Variants in DOCK9 observed in about 807,000 individuals in gnomAD.
DOCK9 encodes the protein dedicator of cytokinesis 9.
In DOCK9, 89 loss-of-function variants were observed where a neutral mutation model predicts 263.3. The observed-to-expected ratio is 0.34, with a 90% CI of 0.28 to 0.40. DOCK9 has a LOEUF of 0.40. Ranked by LOEUF, DOCK9 falls within the 10% of genes least tolerant of loss-of-function variation. The pLI, the probability that DOCK9 is intolerant of heterozygous loss-of-function variation, is 1.00. For missense variants in DOCK9, 2,140 were observed against 2,603.4 expected, an observed-to-expected ratio of 0.82 and a Z score of 3.87; for synonymous variants, 976 against 973.1, an observed-to-expected ratio of 1.00 and a Z score of -0.06.
chr13:98,805,570 C>T (rs1003057268), intron 48 of DOCK9, among the ~76,000 whole-genome samples: 1 of 152,166 alleles, frequency 6.6e-6, no homozygotes, highest in African/African-American at 2.4e-5. Flanking sequence ...CAAATTAACA[C>T]TGATTCCCTA....
At chr13:99,085,914 A>C (rs1288880779) in intron 1 of DOCK9, among the ~76,000 whole-genome samples, 2 of 152,014 alleles carry the variant, frequency 1.3e-5, no homozygotes, top group Non-Finnish European at 2.9e-5. Flanking sequence ...AAGCAGGTAA[A>C]TTGGGAGAGA....
intron 15 of DOCK9, among the ~76,000 whole-genome samples, chr13:98,895,664 C>CA (rs879382069): frequency 1.5e-3 from 165 of 107,620 alleles, no homozygotes; most frequent in Middle Eastern, 5.6e-3. Context: ...GACTCCATCT[C>CA]AAAAAAAAAA....
intron 1 of DOCK9, among the ~76,000 whole-genome samples, chr13:98,959,162 T>C (rs1254844124): frequency 6.6e-6 from 1 of 152,252 alleles, no homozygotes; most frequent in Non-Finnish European, 1.5e-5. Flanking sequence ...CACAGTCTTC[T>C]GTTAAACAGA....
At chr13:98,802,784 C>A (rs1470007796) in intron 49 of DOCK9, among the ~76,000 whole-genome samples, 2 of 152,010 alleles carry the variant, frequency 1.3e-5, no homozygotes, top group Non-Finnish European at 2.9e-5. Flanking sequence ...CTTTGGAAGG[C>A]CAAAGGTTAG....
upstream of DOCK9, among the ~76,000 whole-genome samples, chr13:99,087,523 G>C (rs1431493963): frequency 1.3e-5 from 2 of 152,186 alleles, no homozygotes; most frequent in African/African-American, 2.4e-5. Context: ...CCGTGACGCA[G>C]AGCTGGCGGC....
At position 98,867,496 on chromosome 13, in the gene DOCK9, C is replaced by T; in HGVS notation, c.3215G>A (p.Cys1072Tyr). The T allele has an allele frequency of 6.2e-7, 1 of 1,612,252 alleles. No individual in the cohort carries two copies. Among genetic ancestry groups the T allele is most frequent in the Non-Finnish European group, 8.5e-7 (1 of 1,179,256 alleles). Reference sequence around the variant, plus strand: ...CAACGGAATATAATGTTCATGGTTGCACACTACACGGAGAAATTCAAACTT... The same window carrying T: ...CAACGGAATATAATGTTCATGGTTGTACACTACACGGAGAAATTCAAACTT... ...EYKFEFLRVV[C>Y]NHEHYIPLNL... The change falls in exon 30 of 53, where the codon TGC becomes TAC. Residue 1072 changes from cysteine (C) to tyrosine (Y), a missense_variant. Transcript: ENST00000682017.
chr13:98,886,692 C>T (rs1030470439), intron 18 of DOCK9, 68 bp from the exon 19 acceptor site: 20 of 1,417,816 alleles, frequency 1.4e-5, no homozygotes, highest in South Asian at 7.2e-5. Flanking sequence ...TTGGATATAT[C>T]GTAAAGGAGG....
intron 45 of DOCK9, among the ~76,000 whole-genome samples, chr13:98,813,742 C>T (rs1252721856): frequency 1.3e-5 from 2 of 152,080 alleles, no homozygotes; most frequent in African/African-American, 2.4e-5. Flanking sequence ...CGGGTTCAAG[C>T]GATTCTCTTG....
At position 98,825,751 on chromosome 13, in the gene DOCK9, A is replaced by T. The variant is rs112147310; in HGVS notation, c.5023+1079T>A. The stretch of plus-strand genomic sequence containing the variant: ...AGACCAGCCAACCAGAGAGCCACAG[A>T]GTAGGAGGGAAGGAGAGTGAAGTCT... On this transcript the variant is annotated intron_variant, in intron 44 of 52. Coordinates refer to ENST00000682017, the MANE Select transcript of DOCK9 (RefSeq NM_001366683.2). The surrounding 1 kb of genome is among the most constrained non-coding windows in gnomAD (Gnocchi z 4.1). The T allele has an allele frequency of 2.6e-4, 156 of 605,258 alleles. No individual in the cohort carries two copies. The African/African-American group carries it at 2.6e-3, about 10-fold the overall frequency. The allele number at this position is 605,258 out of a possible 1,614,324, so 37.5% of individuals were successfully genotyped here. A position where few individuals can be genotyped will look rare whatever the true frequency, so the allele number is the denominator to read the frequency against.
chr13:98,811,284 T>C (rs578122083), intron 45 of DOCK9, among the ~76,000 whole-genome samples: 3 of 152,244 alleles, frequency 2.0e-5, no homozygotes, highest in Non-Finnish European at 4.4e-5. Context: ...TGGTAAAGTG[T>C]CTATTCAAAT....
chr13:98,996,607 G>A (rs1044876918), intron 1 of DOCK9, among the ~76,000 whole-genome samples: 2 of 152,210 alleles, frequency 1.3e-5, no homozygotes, highest in African/African-American at 4.8e-5. Context: ...GGCCATATGT[G>A]GCCCAGGATG....
At chr13:99,024,168 T>C (rs531837423) in intron 1 of DOCK9, among the ~76,000 whole-genome samples, 2 of 152,342 alleles carry the variant, frequency 1.3e-5, no homozygotes, top group Middle Eastern at 3.4e-3. Context: ...AGCACATCTA[T>C]TGGCAAAGCC....
intron 27 of DOCK9, chr13:98,871,635 T>C (rs1170024245): frequency 6.6e-6 from 1 of 152,238 alleles, no homozygotes; most frequent in Admixed American, 6.5e-5. Flanking sequence ...GCTCAGGTAG[T>C]GAGTACCTGA....
At chr13:99,023,798 G>T (rs1886403504) in intron 1 of DOCK9, among the ~76,000 whole-genome samples, 1 of 152,262 alleles carries the variant, frequency 6.6e-6, no homozygotes, top group South Asian at 2.1e-4. Flanking sequence ...CCCTCACAAA[G>T]GGAAGATAAG....
In DOCK9 at chr13:98,906,250, G is replaced by A. The variant is rs569814656; in HGVS notation, c.961-1544C>T. The stretch of plus-strand genomic sequence containing the variant: ...GATGAGATGTCCTGAGGGAGAGGGT[G>A]AAAGTGAGTCTGAAGACAAAATCCT... On this transcript the variant is annotated intron_variant, in intron 9 of 52. Coordinates refer to ENST00000682017, the MANE Select transcript of DOCK9 (RefSeq NM_001366683.2). Among the ~76,000 whole-genome samples the A allele has an allele frequency of 2.6e-5, 4 of 152,180 alleles. No homozygotes were observed. In the South Asian group the frequency reaches 8.3e-4, roughly 32 times the overall value.
intron 1 of DOCK9, among the ~76,000 whole-genome samples, chr13:99,000,944 C>T (rs1882172077): frequency 6.6e-6 from 1 of 152,146 alleles, no homozygotes; most frequent in African/African-American, 2.4e-5. Flanking sequence ...GAGGGCAAGG[C>T]TCTGCAGTTT....
At chr13:99,068,724 T>A (rs552921260) in intron 1 of DOCK9, among the ~76,000 whole-genome samples, 24 of 144,892 alleles carry the variant, frequency 1.7e-4, no homozygotes, top group Admixed American at 4.1e-4. Flanking sequence ...AGGAAAAAAA[T>A]AACATAGAAG....
chr13:98,997,661 G>A (rs1881361677), intron 1 of DOCK9, among the ~76,000 whole-genome samples: 1 of 152,210 alleles, frequency 6.6e-6, no homozygotes, highest in Non-Finnish European at 1.5e-5. Context: ...GATTGCCATG[G>A]GCAGCCTTCA....
intron 1 of DOCK9, among the ~76,000 whole-genome samples, chr13:99,011,096 C>T (rs1327935335): frequency 6.6e-6 from 1 of 151,716 alleles, no homozygotes; most frequent in Non-Finnish European, 1.5e-5. Context: ...AAGGTTTCAC[C>T]GTGTTGGTCA....
Sources: allele counts gnomAD v4.1 joint callset (sites outside exome capture counted in the v4.1 genomes callset), GRCh38; gene constraint gnomAD v4.1.1; non-coding constraint Gnocchi (gnomAD v3.1); transcripts MANE v1.5; gene names NCBI Gene and HGNC (gene_info 2026-07-23, HGNC 2026-07-21).